Variants in CHRDL1 observed in about 807,000 individuals in gnomAD.
CHRDL1 encodes the protein chordin like 1, also known as chordin-like protein 1.
Under a neutral mutation model 40.9 loss-of-function variants are expected in CHRDL1, and 19 were observed. The ratio of observed to expected loss-of-function variants is 0.46; its 90% CI spans 0.32 to 0.68. CHRDL1 has a LOEUF of 0.68. Among genes scored for constraint, CHRDL1 ranks in the 30% least tolerant of loss-of-function variants. CHRDL1 has a pLI of 0.03. For missense variants in CHRDL1, 329 were observed against 352.1 expected (o/e 0.93, Z 0.53); for synonymous variants, 136 against 123.4 (o/e 1.10, Z -0.68).
At chrX:110,724,999 A>G (rs1328135581) in intron 4 of CHRDL1, among the ~76,000 whole-genome samples, 1 of 111,882 alleles carries the variant, frequency 8.9e-6, no homozygotes, top group East Asian at 2.8e-4. Context: ...TTCAAAGCAA[A>G]GCTGGCTACA....
rs751553465 is a variant in CHRDL1 at position 110,748,815 on chromosome X, G to GAGAC, written c.301+10845_301+10846insGTCT. ...TTCATAGAGACAGGAAGTAGAAAGT[G>GAGAC]AGGAGTTAGTGTTTAATGGGTATAG... is the stretch of plus-strand genomic sequence containing the variant. On this transcript the variant is annotated intron_variant, in intron 4 of 11. Coordinates refer to ENST00000372042, the MANE Select transcript of CHRDL1 (RefSeq NM_001143981.2). Among the ~76,000 whole-genome samples the GAGAC allele has an allele frequency of 4.9e-3, 551 of 112,572 alleles. 2 individuals are homozygous for GAGAC. Among genetic ancestry groups the GAGAC allele is most frequent in the Non-Finnish European group, 7.7e-3 (408 of 53,298 alleles).
chrX:110,785,426 G>A (rs2090003702), intron 2 of CHRDL1, among the ~76,000 whole-genome samples: 1 of 111,737 alleles, frequency 8.9e-6, no homozygotes, highest in African/African-American at 3.3e-5. Context: ...AGGTGGGAGG[G>A]TAGAAGAAGT....
In CHRDL1 at chrX:110,719,937, G is replaced by A. The variant is rs1236866581; in HGVS notation, c.448-9C>T. ...CAATACACGTTTCCCTCCTGCCAAG[G>A]AGAAACAGAATTAAGATTAGAAGCA... On this transcript the variant is annotated splice_polypyrimidine_tract_variant and intron_variant, in intron 5 of 11. Coordinates refer to ENST00000372042, the MANE Select transcript of CHRDL1 (RefSeq NM_001143981.2). 8.9e-7 allele frequency: 1 copy of A among 1,121,273 alleles called. No homozygotes were observed. The highest frequency in any genetic ancestry group is 1.2e-6 in the Non-Finnish European group (1 of 814,649). The allele number at this position is 1,121,273 out of a possible 1,213,427, so 92.4% of individuals were successfully genotyped here.
At chrX:110,749,393 C>A (rs1472966393) in intron 4 of CHRDL1, among the ~76,000 whole-genome samples, 2 of 112,006 alleles carry the variant, frequency 1.8e-5, no homozygotes, top group Non-Finnish European at 3.8e-5. Context: ...CCCCCTCCTG[C>A]AGACAGCTTT....
At chrX:110,721,606 G>T (rs1052824683) in intron 4 of CHRDL1, 76 bp from the exon 5 acceptor site, 8 of 855,266 alleles carry the variant, frequency 9.4e-6, no homozygotes, top group East Asian at 3.1e-5. Flanking sequence ...AACAGCAGAC[G>T]GGGCTGTACT....
At chrX:110,730,038 C>T (rs1247767009) in intron 4 of CHRDL1, among the ~76,000 whole-genome samples, 1 of 111,828 alleles carries the variant, frequency 8.9e-6, no homozygotes, top group Non-Finnish European at 1.9e-5. Flanking sequence ...TGTGGGGCTA[C>T]TTAACCCTTA....
At chrX:110,754,317 T>C (rs1158318665) in intron 4 of CHRDL1, among the ~76,000 whole-genome samples, 2 of 112,716 alleles carry the variant, frequency 1.8e-5, no homozygotes, top group African/African-American at 6.4e-5. Context: ...TAGTATTTCA[T>C]TAGTATAGTT....
intron 2 of CHRDL1, among the ~76,000 whole-genome samples, chrX:110,784,843 G>A (rs1028265285): frequency 8.9e-6 from 1 of 111,769 alleles, no homozygotes; most frequent in African/African-American, 3.2e-5. Context: ...AATTTATTGT[G>A]CCCTTCTATC....
intron 8 of CHRDL1, among the ~76,000 whole-genome samples, chrX:110,693,863 C>A (rs1393142084): frequency 9.0e-6 from 1 of 111,567 alleles, no homozygotes; most frequent in Non-Finnish European, 1.9e-5. Flanking sequence ...CAGACAATCA[C>A]TCATTCTGTT....
intron 6 of CHRDL1, among the ~76,000 whole-genome samples, chrX:110,711,784 C>T (rs1007170934): frequency 8.9e-6 from 1 of 112,069 alleles, no homozygotes; most frequent in Non-Finnish European, 1.9e-5. Context: ...GCTGCTCTTT[C>T]GGAAAGAGAA....
intron 4 of CHRDL1, among the ~76,000 whole-genome samples, chrX:110,756,884 A>C (rs1380585939): frequency 1.8e-5 from 2 of 112,221 alleles, no homozygotes; most frequent in African/African-American, 3.2e-5. Flanking sequence ...ACTTTTAAAT[A>C]CTTTAAAGAA....
chrX:110,689,435 T>C lies in CHRDL1; in HGVS notation c.779-632A>G, dbSNP rs1201251679. ...ATATCTATATATATCTATATATCTA[T>C]ATATCTATATATATCTATATATCTA... is the stretch of plus-strand genomic sequence containing the variant. On this transcript the variant is annotated intron_variant, in intron 8 of 11. Coordinates refer to ENST00000372042, the MANE Select transcript of CHRDL1 (RefSeq NM_001143981.2). Among the ~76,000 whole-genome samples the C allele has an allele frequency of 4.9e-5, 3 of 61,698 alleles. No individual in the cohort carries two copies. In the African/African-American group the frequency reaches 5.9e-4, roughly 12 times the overall value. The allele number at this position is 61,698 out of a possible 115,157, so 53.6% of individuals were successfully genotyped here.
chrX:110,686,104 CCAGGCTGGTCT>C (rs1174492640), intron 9 of CHRDL1, among the ~76,000 whole-genome samples: 2 of 109,630 alleles, frequency 1.8e-5, no homozygotes, highest in Non-Finnish European at 3.8e-5. Flanking sequence ...ATCACATTGC[CCAGGCTGGTCT>C]CAAACTCCTG....
rs1039082037 is a variant in CHRDL1, at chrX:110,774,505, G to A, written c.95-11698C>T. ...AATAAAACAGTGGTGACTATGATTGGTGTAGGGGTGTGGAAATGGGAGATA... is the reference window on the plus strand; with the variant it reads ...AATAAAACAGTGGTGACTATGATTGATGTAGGGGTGTGGAAATGGGAGATA... On this transcript the variant is annotated intron_variant, in intron 2 of 11. Transcript: ENST00000372042. Among the ~76,000 whole-genome samples, 15 of 110,586 alleles carry A rather than the reference G, an allele frequency of 1.4e-4. No homozygotes were observed. In the Admixed American group the frequency reaches 1.4e-3, roughly 11 times the overall value.
rs1223258114 is a variant in CHRDL1 at position 110,792,116 on chromosome X, T to C, written c.66A>G (p.Leu22=). The C allele has an allele frequency of 1.7e-6, 2 of 1,199,127 alleles. No individual in the cohort carries two copies. Among genetic ancestry groups the C allele is most frequent in the East Asian group, 6.0e-5 (2 of 33,546 alleles). The change falls in exon 2 of 12, where the codon CTA becomes CTG. Residue 22 remains leucine (L), a synonymous_variant. Coordinates refer to ENST00000372042, the MANE Select transcript of CHRDL1 (RefSeq NM_001143981.2). ...TTACTTGCTCTGTTTTGCCTCCTTC[T>C]AGCAAAAGAAAGAACAACAACGAAA... is the stretch of plus-strand genomic sequence containing the variant. The part of the protein sequence containing the change: ...YIFSLLFFLL[L]EGGKTEQVKH...
At chrX:110,714,381 G>GTA (rs957131355) in intron 6 of CHRDL1, among the ~76,000 whole-genome samples, 8 of 112,068 alleles carry the variant, frequency 7.1e-5, no homozygotes, top group Admixed American at 9.5e-5. Flanking sequence ...AGAAAATGTG[G>GTA]TATATATACA....
At chrX:110,713,028 C>G (rs1467596551) in intron 6 of CHRDL1, among the ~76,000 whole-genome samples, 1 of 111,141 alleles carries the variant, frequency 9.0e-6, no homozygotes, top group Admixed American at 9.5e-5. Flanking sequence ...TGTATGACTG[C>G]CACCAGTTAT....
At chrX:110,791,128 G>C (rs955602856) in intron 2 of CHRDL1, among the ~76,000 whole-genome samples, 5 of 110,743 alleles carry the variant, frequency 4.5e-5, no homozygotes, top group Non-Finnish European at 7.6e-5. Context: ...TAAGTGAAGG[G>C]CTTCAGATGC....
chrX:110,682,238 C>T (rs1203531971), intron 9 of CHRDL1, among the ~76,000 whole-genome samples: 4 of 112,218 alleles, frequency 3.6e-5, no homozygotes, highest in Admixed American at 9.4e-5. Context: ...GTAAGGGGAA[C>T]AATAATACCG....
Sources: gnomAD v4.1 joint callset for allele counts (sites outside exome capture counted in the v4.1 genomes callset) on GRCh38, gnomAD v4.1.1 for gene constraint, MANE v1.5 for transcripts, NCBI Gene and HGNC (gene_info 2026-07-23, HGNC 2026-07-21) for gene names.